NFASC: variants seen among roughly 807,000 people sequenced by gnomAD.
NFASC encodes the protein neurofascin homolog.
NFASC carries 43 observed loss-of-function variants against 147.5 expected under a neutral mutation model. That is an observed-to-expected ratio of 0.29 (90% CI 0.23 to 0.38). The LOEUF (loss-of-function observed/expected upper bound fraction) is 0.38. NFASC is among the 10% of genes least tolerant of loss of function. The pLI is 1.00. For missense variants in NFASC, 1,320 were observed against 1,689.0 expected, an observed-to-expected ratio of 0.78 and a Z score of 3.83; for synonymous variants, 622 against 665.5, an observed-to-expected ratio of 0.93 and a Z score of 1.01.
intron 2 of NFASC, among the ~76,000 whole-genome samples, chr1:204,942,578 C>T (rs1338308334): frequency 1.3e-5 from 2 of 151,346 alleles, no homozygotes; most frequent in Non-Finnish European, 2.9e-5. Context: ...ATCAGAGGGG[C>T]ATATCACACT....
intron 2 of NFASC, among the ~76,000 whole-genome samples, chr1:204,933,012 C>T (rs758429441): frequency 6.6e-6 from 1 of 152,056 alleles, no homozygotes; most frequent in Non-Finnish European, 1.5e-5. Context: ...AGTTAAAAAG[C>T]ATTTGGGGTT....
chr1:204,888,826 G>C (rs1212470214), intron 1 of NFASC, among the ~76,000 whole-genome samples: 1 of 152,204 alleles, frequency 6.6e-6, no homozygotes, highest in African/African-American at 2.4e-5. Flanking sequence ...GTAGGAAACA[G>C]CCAATTACAT....
Position 204,985,510 on chromosome 1 carries a change from A to G in NFASC, c.2471-1908A>G, listed in dbSNP as rs572750651. 1.8e-4 allele frequency among the ~76,000 whole-genome samples: 27 copies of G among 152,336 alleles called. No homozygotes were observed. The South Asian group carries it at 5.4e-3, about 30-fold the overall frequency. On this transcript the variant is annotated intron_variant, in intron 21 of 29. Coordinates refer to ENST00000339876, the MANE Select transcript of NFASC (RefSeq NM_001005388.3). ...CCAATTCAAGGTGATGTGGTCTTTG[A>G]GCACAGAGTGGAGCTTTCCATGCCT...
chr1:204,938,219 A>G (rs1000944804), intron 2 of NFASC, among the ~76,000 whole-genome samples: 1 of 152,234 alleles, frequency 6.6e-6, no homozygotes, highest in Non-Finnish European at 1.5e-5. Context: ...ACCAGGGCCC[A>G]GAAGAAAAGG....
intron 27 of NFASC, among the ~76,000 whole-genome samples, chr1:205,006,810 T>G (rs74138689): frequency 0.048 from 7,307 of 152,044 alleles, 359 homozygotes; most frequent in African/African-American, 0.12. Context: ...GCTGGGAGAA[T>G]CAAGGCAGGG....
intron 1 of NFASC, among the ~76,000 whole-genome samples, chr1:204,848,455 G>A (rs1233408641): frequency 6.6e-6 from 1 of 152,046 alleles, no homozygotes; most frequent in East Asian, 1.9e-4. Flanking sequence ...CAAACTCCTG[G>A]GTTCAAGCGA....
intron 1 of NFASC, among the ~76,000 whole-genome samples, chr1:204,898,879 G>A (rs1022568264): frequency 6.6e-6 from 1 of 152,212 alleles, no homozygotes; most frequent in Non-Finnish European, 1.5e-5. Context: ...GGTGTTGGAG[G>A]AGGTTAAATG....
At chr1:204,958,124 C>G (rs1028503512) in intron 8 of NFASC, among the ~76,000 whole-genome samples, 7 of 152,174 alleles carry the variant, frequency 4.6e-5, no homozygotes, top group East Asian at 1.9e-4. Context: ...CCTCAACAGC[C>G]CTGAGCCTCT....
intron 16 of NFASC, chr1:204,977,206 C>T: frequency 3.7e-6 from 3 of 814,650 alleles, no homozygotes; most frequent in Non-Finnish European, 4.6e-6. Flanking sequence ...CCTCCCGCTC[C>T]ATCCCTGGGT....
intron 1 of NFASC, among the ~76,000 whole-genome samples, chr1:204,906,748 TCTCGG>T (rs1448806379): frequency 3.6e-4 from 46 of 126,894 alleles, no homozygotes; most frequent in Non-Finnish European, 7.1e-4. Flanking sequence ...AGTGGCGCGA[TCTCGG>T]CTCACTGCAA....
chr1:204,853,098 A>G (rs2102706064), intron 1 of NFASC, among the ~76,000 whole-genome samples: 1 of 151,908 alleles, frequency 6.6e-6, no homozygotes, highest in East Asian at 1.9e-4. Flanking sequence ...GAAAGCCTAA[A>G]CCCCAGATAA....
chr1:205,010,640 A>T lies in NFASC; in HGVS notation c.3421+952A>T, dbSNP rs897367872. ...CTCCAGGCCGGGCGCAGTGGCTCAC[A>T]CCTGTAATCCCAGCACTTTGCGAGG... is the stretch of plus-strand genomic sequence containing the variant. On this transcript the variant is annotated intron_variant, in intron 28 of 29. Coordinates refer to ENST00000339876, the MANE Select transcript of NFASC (RefSeq NM_001005388.3). The surrounding 1 kb of genome is among the most constrained non-coding windows in gnomAD (Gnocchi z 4.1). 1.3e-5 allele frequency: 2 copies of T among 152,076 alleles called. No individual in the cohort carries two copies. The highest frequency in any genetic ancestry group is 2.4e-5 in the African/African-American group (1 of 41,388). 9.4% of individuals were successfully genotyped at this position (152,076 alleles called of 1,614,324 possible).
Position 205,019,249 on chromosome 1 carries a change from A to G in NFASC, c.*2710A>G, listed in dbSNP as rs2096383891. The G allele has an allele frequency of 6.6e-6, 1 of 152,288 alleles. No homozygotes were observed. The highest frequency in any genetic ancestry group is 1.5e-5 in the Non-Finnish European group (1 of 68,088). 9.4% of individuals were successfully genotyped at this position (152,288 alleles called of 1,614,324 possible). A position where few individuals can be genotyped will look rare whatever the true frequency, so the allele number is the denominator to read the frequency against. ...AGAGTCCACTCCAGCTCAGCAGGAA[A>G]GTGGAATTGCCCAGTACTGCCTGCC... is the stretch of plus-strand genomic sequence containing the variant. On this transcript the variant is annotated 3_prime_UTR_variant, in exon 30 of 30. Coordinates refer to ENST00000339876, the MANE Select transcript of NFASC (RefSeq NM_001005388.3).
intron 3 of NFASC, 147 bp from the exon 4 acceptor site, chr1:204,950,410 G>T: frequency 1.4e-6 from 1 of 737,054 alleles, no homozygotes; most frequent in South Asian, 1.6e-5. Flanking sequence ...TTTGCAGCCA[G>T]GAGGAGAGAG....
intron 1 of NFASC, among the ~76,000 whole-genome samples, chr1:204,908,470 G>T (rs890491214): frequency 6.6e-6 from 1 of 151,966 alleles, no homozygotes; most frequent in African/African-American, 2.4e-5. Context: ...TATTTACATA[G>T]AATACAAAAA....
rs368856811 is a variant in NFASC at position 204,906,798 on chromosome 1, T to C, written c.-199-13834T>C. Reference sequence around the variant, plus strand: ...CCCGGGCTCATGCCATTCTCCTGCCTCAGCCTCCCCGAGTAGCTGGGACTA... The same window carrying C: ...CCCGGGCTCATGCCATTCTCCTGCCCCAGCCTCCCCGAGTAGCTGGGACTA... On this transcript the variant is annotated intron_variant, in intron 1 of 29. Transcript: ENST00000339876. 5.4e-4 allele frequency among the ~76,000 whole-genome samples: 82 copies of C among 151,510 alleles called. 1 individual carries two copies. The highest frequency in any genetic ancestry group is 2.0e-3 in the African/African-American group (81 of 41,230).
At position 205,012,826 on chromosome 1, in the gene NFASC, C is replaced by G; in HGVS notation, c.3451C>G (p.Pro1151Ala). The G allele has an allele frequency of 1.2e-6, 2 of 1,613,796 alleles. No individual in the cohort carries two copies. Among genetic ancestry groups the G allele is most frequent in the Non-Finnish European group, 1.7e-6 (2 of 1,179,692 alleles). ...AGAAAAGAAGGATGTTCCCCTTGGC[C>G]CTGAAGACCCCAAGGAAGAGGATGG... ...VREKKDVPLG[P>A]EDPKEEDGSF... The change falls in exon 29 of 30, where the codon CCT (proline) becomes GCT (alanine). Residue 1151 changes from proline to alanine, a missense_variant. By Grantham distance (27) the Pro-to-Ala change is conservative (BLOSUM62 -1). Transcript: ENST00000339876.
At chr1:205,011,213 C>CT (rs1553328299) in intron 28 of NFASC, among the ~76,000 whole-genome samples, 1 of 151,730 alleles carries the variant, frequency 6.6e-6, no homozygotes, top group South Asian at 2.1e-4. Flanking sequence ...CAGGACCCCC[C>CT]CCAAAACTCA....
At chr1:204,963,302 A>T (rs2094781000) in intron 8 of NFASC, among the ~76,000 whole-genome samples, 1 of 152,198 alleles carries the variant, frequency 6.6e-6, no homozygotes, top group Non-Finnish European at 1.5e-5. Context: ...TTTCAAGATA[A>T]TGGGGCCAAC....
Sources: allele counts gnomAD v4.1 joint callset (sites outside exome capture counted in the v4.1 genomes callset), GRCh38; gene constraint gnomAD v4.1.1; non-coding constraint Gnocchi (gnomAD v3.1); transcripts MANE v1.5; gene names NCBI Gene and HGNC (gene_info 2026-07-23, HGNC 2026-07-21).